The following LEF1 variants were observed in gnomAD, a reference collection of about 807,000 sequenced individuals.
The protein encoded by LEF1 is lymphoid enhancer binding factor 1, also known as lymphoid enhancer-binding factor 1.
A neutral mutation model predicts 51.2 loss-of-function variants in LEF1; 14 were observed. That is an observed-to-expected ratio of 0.27 (90% confidence interval 0.18 to 0.43). The LOEUF is 0.43. LEF1 is among the 20% of genes least tolerant of loss of function. LEF1 has a pLI of 1.00. For missense variants in LEF1, 386 were observed against 512.0 expected (o/e 0.75, Z 2.37); for synonymous variants, 185 against 183.2 (o/e 1.01, Z -0.08).
intron 4 of LEF1, among the ~76,000 whole-genome samples, chr4:108,083,795 T>C (rs1282322537): frequency 1.3e-5 from 2 of 152,220 alleles, no homozygotes. Context: ...TGTTTTTTTG[T>C]AGAATGGAAA....
In LEF1 at chr4:108,167,724, G is replaced by A. The variant is rs967933796; in HGVS notation, c.44C>T (p.Pro15Leu). The change falls in exon 1 of 12, where the codon CCG becomes CTG. Residue 15 changes from proline to leucine, a missense_variant. Physicochemically the swap from Pro to Leu is moderately conservative, Grantham distance 98. This residue lies in a region of LEF1 where 335 missense variants were observed against 390.7 expected (regional missense o/e 0.86). Coordinates refer to ENST00000265165, the MANE Select transcript of LEF1 (RefSeq NM_016269.5). This position sits in a 1 kb window ranked among gnomAD's most constrained non-coding sequence, Gnocchi z 5.7. ...SGGGGGGGGD[P>L]ELCATDEMIP... Reference sequence around the variant, plus strand: ...CATCTCGTCCGTGGCGCAGAGTTCCGGGTCCCCCCCGCCGCCGCCACCTCC... The same window carrying A: ...CATCTCGTCCGTGGCGCAGAGTTCCAGGTCCCCCCCGCCGCCGCCACCTCC... 2 of 1,613,774 alleles carry A rather than the reference G, an allele frequency of 1.2e-6. No homozygotes were observed. Among genetic ancestry groups the A allele is most frequent in the Non-Finnish European group, 1.7e-6 (2 of 1,180,030 alleles).
chr4:108,054,961 A>G (rs1171794420), intron 11 of LEF1, among the ~76,000 whole-genome samples: 1 of 152,234 alleles, frequency 6.6e-6, no homozygotes, highest in Non-Finnish European at 1.5e-5. Context: ...TTTCCCACTC[A>G]TCTGGCTCTC....
chr4:108,108,735 T>A (rs769383232), intron 3 of LEF1, among the ~76,000 whole-genome samples: 8 of 152,174 alleles, frequency 5.3e-5, no homozygotes, highest in Non-Finnish European at 8.8e-5. Context: ...AAGATACACA[T>A]GCACTGCGTT....
intron 3 of LEF1, among the ~76,000 whole-genome samples, chr4:108,107,098 C>T (rs1340134304): frequency 6.6e-6 from 1 of 152,128 alleles, no homozygotes; most frequent in African/African-American, 2.4e-5. Context: ...TGATCTTGCT[C>T]GAAAGGAGTG....
At chr4:108,096,681 A>C (rs1304479115) in intron 3 of LEF1, among the ~76,000 whole-genome samples, 1 of 152,206 alleles carries the variant, frequency 6.6e-6, no homozygotes, top group Non-Finnish European at 1.5e-5. Context: ...AATATTTGCA[A>C]ACTACCCATC....
chr4:108,110,428 G>A (rs1741452732), intron 3 of LEF1, among the ~76,000 whole-genome samples: 1 of 152,122 alleles, frequency 6.6e-6, no homozygotes, highest in Non-Finnish European at 1.5e-5. Flanking sequence ...TGCCTAGAAG[G>A]TTGCTAATAG....
intron 3 of LEF1, among the ~76,000 whole-genome samples, chr4:108,098,629 A>G (rs774525588): frequency 2.6e-5 from 4 of 152,088 alleles, no homozygotes; most frequent in Non-Finnish European, 5.9e-5. Flanking sequence ...TATGTGTACA[A>G]TTTTGTCCCA....
At chr4:108,083,287 T>C (rs1739432535) in intron 5 of LEF1, 69 bp downstream of exon 5, 2 of 1,066,520 alleles carry the variant, frequency 1.9e-6, no homozygotes, top group Non-Finnish European at 2.9e-6. Flanking sequence ...ATAAATCTAA[T>C]TTCCATGAAT....
chr4:108,070,583 C>T (rs1003489379), intron 9 of LEF1, 80 bp downstream of exon 9: 61 of 936,902 alleles, frequency 6.5e-5, no homozygotes, highest in Non-Finnish European at 1.0e-4. Context: ...ATTATATACA[C>T]CTAAAACACA....
rs148182577 is a variant in LEF1 at position 108,053,601 on chromosome 4, G to A, written c.*7-4850C>T. Among the ~76,000 whole-genome samples the A allele has an allele frequency of 6.2e-3, 944 of 152,312 alleles. 10 individuals are homozygous for A. Among genetic ancestry groups the A allele is most frequent in the African/African-American group, 0.021 (887 of 41,566 alleles). ...GTCAAGATGACTTTGAGACAAGCCTGTGACCGTTAATGAATTACTCCAGGG... is the reference window on the plus strand; with the variant it reads ...GTCAAGATGACTTTGAGACAAGCCTATGACCGTTAATGAATTACTCCAGGG... On this transcript the variant is annotated intron_variant, in intron 11 of 11. Coordinates refer to ENST00000265165, the MANE Select transcript of LEF1 (RefSeq NM_016269.5).
chr4:108,065,080 T>A (rs2126268070), intron 9 of LEF1, among the ~76,000 whole-genome samples: 1 of 152,328 alleles, frequency 6.6e-6, no homozygotes, highest in South Asian at 2.1e-4. Flanking sequence ...ATAACATGGA[T>A]ATGCACACCA....
intron 3 of LEF1, among the ~76,000 whole-genome samples, chr4:108,118,102 A>G (rs1363060338): frequency 6.6e-6 from 1 of 152,190 alleles, no homozygotes; most frequent in Non-Finnish European, 1.5e-5. Flanking sequence ...GTTGCATAAG[A>G]TCCCACAGCT....
chr4:108,090,900 T>C (rs1739976475), intron 3 of LEF1, among the ~76,000 whole-genome samples: 1 of 152,214 alleles, frequency 6.6e-6, no homozygotes, highest in African/African-American at 2.4e-5. Flanking sequence ...CACAATTATA[T>C]ACCTGTTAAA....
intron 1 of LEF1, among the ~76,000 whole-genome samples, chr4:108,165,805 T>C (rs1420378695): frequency 6.6e-6 from 1 of 152,166 alleles, no homozygotes; most frequent in Non-Finnish European, 1.5e-5. Context: ...GTAGCCCAGT[T>C]GATATCAGTT....
intron 8 of LEF1, among the ~76,000 whole-genome samples, chr4:108,077,483 C>T (rs13142555): frequency 1.0e-4 from 10 of 95,866 alleles, no homozygotes; most frequent in Admixed American, 5.6e-4. Flanking sequence ...CGCCTCTGCC[C>T]GGCTGCCGCC....
Position 108,168,559 on chromosome 4 carries a change from G to A in LEF1, c.-792C>T, listed in dbSNP as rs1033105445. On this transcript the variant is annotated 5_prime_UTR_variant, in exon 1 of 12. Transcript: ENST00000265165. The surrounding 1 kb of genome is among the most constrained non-coding windows in gnomAD (Gnocchi z 4.6). The stretch of plus-strand genomic sequence containing the variant: ...GTTTGCCAAGAATAAAGTTTTTGCC[G>A]GCAAGCGCGGGGACTCCGCAGTGGA... 1 of 152,146 alleles carries A rather than the reference G, an allele frequency of 6.6e-6. No homozygotes were observed. The highest frequency in any genetic ancestry group is 2.4e-5 in the African/African-American group (1 of 41,402). The allele number at this position is 152,146 out of a possible 1,614,324, so 9.4% of individuals were successfully genotyped here. A position where few individuals can be genotyped will look rare whatever the true frequency, so the allele number is the denominator to read the frequency against.
At chr4:108,116,258 C>A (rs1053871795) in intron 3 of LEF1, among the ~76,000 whole-genome samples, 1 of 152,166 alleles carries the variant, frequency 6.6e-6, no homozygotes, top group Non-Finnish European at 1.5e-5. Context: ...CAGTGGCTCA[C>A]ACCTGTAATC....
intron 3 of LEF1, among the ~76,000 whole-genome samples, chr4:108,154,317 C>T (rs1226360523): frequency 1.3e-5 from 2 of 151,814 alleles, no homozygotes; most frequent in East Asian, 1.9e-4. Context: ...TTACTGCTGT[C>T]GCTGACGATG....
chr4:108,063,571 C>A (rs1428941335), intron 11 of LEF1, 52 bp downstream of exon 11: 5 of 1,378,370 alleles, frequency 3.6e-6, no homozygotes, highest in Non-Finnish European at 5.1e-6. Context: ...CAAGCAAGTG[C>A]CTCTTTTTAT....
Sources: gnomAD v4.1 joint callset for allele counts (sites outside exome capture counted in the v4.1 genomes callset) on GRCh38, gnomAD v4.1.1 for gene constraint, gnomAD v4.1.1 regional missense constraint, Gnocchi (gnomAD v3.1) non-coding constraint, MANE v1.5 for transcripts, NCBI Gene and HGNC (gene_info 2026-07-23, HGNC 2026-07-21) for gene names.